The following SLC9A9 variants were observed in gnomAD, a reference collection of about 807,000 sequenced individuals.
The protein encoded by SLC9A9 is solute carrier family 9 member A9.
In SLC9A9, 62 loss-of-function variants were observed where a neutral mutation model predicts 77.8. The observed-to-expected ratio is 0.80, with a 90% CI of 0.65 to 0.98. The LOEUF is 0.98. Among genes scored for constraint, SLC9A9 ranks in the 50% least tolerant of loss-of-function variants. SLC9A9 has a pLI of 0.00. For synonymous variants in SLC9A9, 320 were observed against 283.5 expected, an observed-to-expected ratio of 1.13 and a Z score of -1.29; for missense variants, 775 against 774.9, an observed-to-expected ratio of 1.00 and a Z score of 0.00.
intron 12 of SLC9A9, among the ~76,000 whole-genome samples, chr3:143,462,416 C>G (rs753327534): frequency 2.6e-5 from 4 of 152,088 alleles, no homozygotes; most frequent in Non-Finnish European, 5.9e-5. Context: ...CTAAAAGTTA[C>G]TCACTCTGCA....
intron 14 of SLC9A9, among the ~76,000 whole-genome samples, chr3:143,354,553 C>T (rs2032540700): frequency 6.6e-6 from 1 of 152,152 alleles, no homozygotes; most frequent in Non-Finnish European, 1.5e-5. Flanking sequence ...GCAGCCATGG[C>T]CCATGCTGAT....
intron 6 of SLC9A9, among the ~76,000 whole-genome samples, chr3:143,609,998 T>G (rs1177432058): frequency 6.6e-6 from 1 of 152,162 alleles, no homozygotes; most frequent in Non-Finnish European, 1.5e-5. Flanking sequence ...TTTGTTTAGA[T>G]TTTTCTTATG....
intron 14 of SLC9A9, among the ~76,000 whole-genome samples, chr3:143,317,241 A>G (rs2031244523): frequency 6.6e-6 from 1 of 152,128 alleles, no homozygotes; most frequent in Non-Finnish European, 1.5e-5. Flanking sequence ...CCTCTGTCCA[A>G]CTAGCCATCA....
chr3:143,433,943 G>C (rs1181414410), intron 12 of SLC9A9, among the ~76,000 whole-genome samples: 2 of 152,090 alleles, frequency 1.3e-5, no homozygotes, highest in East Asian at 3.8e-4. Context: ...GCCTTTCACT[G>C]TCTACCTCTC....
At chr3:143,425,235 GT>G (rs1553753608) in intron 12 of SLC9A9, among the ~76,000 whole-genome samples, 2 of 136,294 alleles carry the variant, frequency 1.5e-5, no homozygotes, top group Non-Finnish European at 3.2e-5. Flanking sequence ...TGTACACTTA[GT>G]TTTGATGTGG....
chr3:143,604,077 C>T (rs950878204), intron 6 of SLC9A9, among the ~76,000 whole-genome samples: 6 of 152,186 alleles, frequency 3.9e-5, no homozygotes, highest in Admixed American at 6.5e-5. Flanking sequence ...TAAAAACTGA[C>T]GTGCTTTCCT....
At chr3:143,785,845 C>CTTTTTTTTTTTTT (rs57552730) in intron 4 of SLC9A9, among the ~76,000 whole-genome samples, 3 of 112,992 alleles carry the variant, frequency 2.7e-5, no homozygotes, top group Non-Finnish European at 5.7e-5. Context: ...TTGAATTTTT[C>CTTTTTTTTTTTTT]TTTTTTTTTT....
intron 4 of SLC9A9, among the ~76,000 whole-genome samples, chr3:143,757,456 C>T (rs1033346714): frequency 5.3e-5 from 8 of 152,232 alleles, no homozygotes; most frequent in Admixed American, 2.0e-4. Flanking sequence ...GACTCCTGAT[C>T]TAAATAATCA....
intron 14 of SLC9A9, among the ~76,000 whole-genome samples, chr3:143,334,337 T>A (rs147477070): frequency 0.028 from 4,287 of 152,296 alleles, 76 homozygotes; most frequent in South Asian, 0.04. Flanking sequence ...GTCATTAGAT[T>A]TCAAGAAAGA....
intron 12 of SLC9A9, among the ~76,000 whole-genome samples, chr3:143,384,570 G>A (rs1219109608): frequency 6.6e-6 from 1 of 152,186 alleles, no homozygotes; most frequent in Non-Finnish European, 1.5e-5. Context: ...TCACTAAAGT[G>A]GAATCTTTTC....
chr3:143,739,670 G>A (rs1935031109), intron 4 of SLC9A9, among the ~76,000 whole-genome samples: 1 of 152,098 alleles, frequency 6.6e-6, no homozygotes, highest in African/African-American at 2.4e-5. Flanking sequence ...TGAAGCTTTT[G>A]CCTTCAGGCA....
intron 4 of SLC9A9, among the ~76,000 whole-genome samples, chr3:143,747,404 C>CAAAA (rs1003997379): frequency 1.1e-3 from 57 of 51,638 alleles, no homozygotes; most frequent in African/African-American, 1.6e-3. Context: ...AACTCCATCT[C>CAAAA]AAAAAAAAAA....
At chr3:143,536,458 A>G (rs1057421284) in intron 9 of SLC9A9, among the ~76,000 whole-genome samples, 4 of 152,240 alleles carry the variant, frequency 2.6e-5, no homozygotes, top group Admixed American at 2.0e-4. Context: ...TTTGTATTTT[A>G]CTAAGTTTAA....
chr3:143,466,942 C>A, intron 12 of SLC9A9, 95 bp downstream of exon 12: 1 of 1,471,670 alleles, frequency 6.8e-7, no homozygotes, highest in Non-Finnish European at 9.3e-7. Context: ...AGGGTAGGAC[C>A]TGCCACTGTA....
chr3:143,568,800 C>T (rs1193685419), intron 8 of SLC9A9, among the ~76,000 whole-genome samples: 1 of 152,070 alleles, frequency 6.6e-6, no homozygotes, highest in Non-Finnish European at 1.5e-5. Context: ...CCCATTAATC[C>T]TAATTCTCCA....
intron 9 of SLC9A9, among the ~76,000 whole-genome samples, chr3:143,532,294 A>G (rs1412882370): frequency 6.6e-6 from 1 of 152,168 alleles, no homozygotes; most frequent in Non-Finnish European, 1.5e-5. Context: ...TCAAGCTACC[A>G]CTGAACCTGG....
chr3:143,296,582 G>C (rs1276741514), intron 14 of SLC9A9, among the ~76,000 whole-genome samples: 1 of 152,214 alleles, frequency 6.6e-6, no homozygotes, highest in African/African-American at 2.4e-5. Flanking sequence ...ATACCCAGAA[G>C]TGGGATTGCT....
At chr3:143,818,170 A>C (rs1048588819) in intron 2 of SLC9A9, among the ~76,000 whole-genome samples, 7 of 152,190 alleles carry the variant, frequency 4.6e-5, no homozygotes, top group Non-Finnish European at 1.0e-4. Context: ...ACCATTTATG[A>C]AGTTATTCTA....
At chr3:143,826,847 C>T (rs1296264609) in intron 2 of SLC9A9, among the ~76,000 whole-genome samples, 1 of 152,266 alleles carries the variant, frequency 6.6e-6, no homozygotes, top group East Asian at 1.9e-4. Flanking sequence ...AGAAATCTTT[C>T]CTATTACCCT....
Sources: allele counts gnomAD v4.1 joint callset (sites outside exome capture counted in the v4.1 genomes callset), GRCh38; gene constraint gnomAD v4.1.1; transcripts MANE v1.5; gene names NCBI Gene and HGNC (gene_info 2026-07-23, HGNC 2026-07-21).